Variants in NEK11 observed in about 807,000 individuals in gnomAD.
NEK11 encodes the protein serine/threonine-protein kinase Nek11.
In NEK11, 72 loss-of-function variants were observed where a neutral mutation model predicts 80.7. That is an observed-to-expected ratio of 0.89 (90% CI 0.74 to 1.08). The LOEUF is 1.08. Ranked by LOEUF, NEK11 falls within the 50% of genes least tolerant of loss-of-function variation. The probability of loss-of-function intolerance (pLI) is 0.00; values close to 1 mark genes in which losing one functional copy is unlikely to be tolerated. For missense variants in NEK11, 764 were observed against 763.6 expected (o/e 1.00, Z -0.01); for synonymous variants, 251 against 260.7 (o/e 0.96, Z 0.36).
chr3:131,080,445 G>A lies in NEK11; in HGVS notation c.193G>A (p.Val65Ile). 6 of 1,606,604 alleles carry A rather than the reference G, an allele frequency of 3.7e-6. No homozygotes were observed. The highest frequency in any genetic ancestry group is 5.1e-6 in the Non-Finnish European group (6 of 1,178,290). Residue 65 changes from valine to isoleucine, a missense_variant, in exon 4 of 18, where the codon GTT (valine) becomes ATT (isoleucine). Val to Ile is a conservative substitution (Grantham distance 29, BLOSUM62 3). Coordinates refer to ENST00000383366, the MANE Select transcript of NEK11 (RefSeq NM_024800.5). ...EELKVLKEIS[V>I]GELNPNETVQ... ...CAGAAAGGTACTTAAGGAAATATCT[G>A]TTGGAGAACTAAATCCAAATGAAAC...
In NEK11 at chr3:131,136,059, G is replaced by GA. The variant is rs954395183; in HGVS notation, c.647+2113dup. 4.6e-3 allele frequency among the ~76,000 whole-genome samples: 675 copies of GA among 145,934 alleles called. 1 individual carries two copies. Among genetic ancestry groups the GA allele is most frequent in the Non-Finnish European group, 6.0e-3 (395 of 65,902 alleles). On this transcript the variant is annotated intron_variant, in intron 7 of 17. Coordinates refer to ENST00000383366, the MANE Select transcript of NEK11 (RefSeq NM_024800.5). ...AGGATTACAAAACTGTCTGACTCAA[G>GA]AAAAAAAAAACAGCCAAAACCTCCA...
chr3:131,248,494 C>T (rs1463808249), intron 16 of NEK11, among the ~76,000 whole-genome samples: 2 of 152,028 alleles, frequency 1.3e-5, no homozygotes, highest in African/African-American at 2.4e-5. Flanking sequence ...TGGGGCACTT[C>T]CTGGAGCCTT....
At chr3:131,305,908 A>C (rs947691552) in intron 17 of NEK11, among the ~76,000 whole-genome samples, 2 of 152,016 alleles carry the variant, frequency 1.3e-5, no homozygotes, top group Non-Finnish European at 2.9e-5. Context: ...ATCTGCTTGG[A>C]GTGTCCCAGT....
intron 17 of NEK11, among the ~76,000 whole-genome samples, chr3:131,349,178 C>T (rs1398974727): frequency 6.6e-6 from 1 of 152,118 alleles, no homozygotes; most frequent in East Asian, 1.9e-4. Context: ...TCCGCCTCAC[C>T]CTGCTTTTTC....
At chr3:131,275,470 TG>T (rs780916561) in intron 17 of NEK11, among the ~76,000 whole-genome samples, 4 of 152,212 alleles carry the variant, frequency 2.6e-5, no homozygotes, top group Non-Finnish European at 5.9e-5. Flanking sequence ...CCTAGTGTGT[TG>T]TTTTTTTTCT....
chr3:131,326,483 CTT>C (rs2096968289), intron 17 of NEK11, among the ~76,000 whole-genome samples: 1 of 152,206 alleles, frequency 6.6e-6, no homozygotes, highest in Non-Finnish European at 1.5e-5. Flanking sequence ...GGCATATCCT[CTT>C]CTCTCATTTA....
chr3:131,209,057 A>G (rs1237552316), intron 14 of NEK11, among the ~76,000 whole-genome samples: 3 of 152,146 alleles, frequency 2.0e-5, no homozygotes, highest in Non-Finnish European at 2.9e-5. Context: ...TTCAAAGGGA[A>G]TGCTTTCAGT....
At chr3:131,226,717 A>G (rs577679368) in intron 14 of NEK11, among the ~76,000 whole-genome samples, 2 of 152,196 alleles carry the variant, frequency 1.3e-5, no homozygotes, top group South Asian at 2.1e-4. Context: ...AAAAGACTAC[A>G]TATTGGGTAC....
At chr3:131,169,201 C>T in intron 13 of NEK11, among the ~76,000 whole-genome samples, 1 of 152,106 alleles carries the variant, frequency 6.6e-6, no homozygotes, top group Non-Finnish European at 1.5e-5. Flanking sequence ...TGCTTTCCTC[C>T]CCCTTGCCCA....
At chr3:131,204,319 G>C (rs7621527) in intron 14 of NEK11, among the ~76,000 whole-genome samples, 3 of 152,014 alleles carry the variant, frequency 2.0e-5, no homozygotes, top group Non-Finnish European at 4.4e-5. Flanking sequence ...GTAAACATCA[G>C]TGTTTCCCTG....
intron 14 of NEK11, among the ~76,000 whole-genome samples, chr3:131,226,309 G>A (rs776250252): frequency 6.6e-6 from 1 of 152,146 alleles, no homozygotes; most frequent in South Asian, 2.1e-4. Flanking sequence ...GTCGTTCTCA[G>A]TGTAAGTAAA....
At chr3:131,341,760 T>A (rs1243350833) in intron 17 of NEK11, among the ~76,000 whole-genome samples, 1 of 152,216 alleles carries the variant, frequency 6.6e-6, no homozygotes, top group Admixed American at 6.5e-5. Context: ...TCTCTAATAA[T>A]GCTTTTTTAA....
At chr3:131,339,098 T>C (rs573729643) in intron 17 of NEK11, among the ~76,000 whole-genome samples, 43 of 152,332 alleles carry the variant, frequency 2.8e-4, no homozygotes, top group Admixed American at 2.5e-3. Context: ...CAAGTTTTCT[T>C]CTATTTTCCC....
chr3:131,057,457 C>T lies in NEK11; in HGVS notation c.171-22966C>T, dbSNP rs374810181. On this transcript the variant is annotated intron_variant, in intron 3 of 17. Transcript: ENST00000383366. ...TTCTAGTTCTAGATCCCTGAGGAATCGCCACACTGACTTCCACAATGGTTG... is the reference window on the plus strand; with the variant it reads ...TTCTAGTTCTAGATCCCTGAGGAATTGCCACACTGACTTCCACAATGGTTG... Among the ~76,000 whole-genome samples, 32 of 151,208 alleles carry T rather than the reference C, an allele frequency of 2.1e-4. No individual in the cohort carries two copies. The East Asian group carries it at 3.1e-3, about 15-fold the overall frequency.
intron 7 of NEK11, 142 bp from the exon 8 acceptor site, chr3:131,152,246 T>C (rs1171652296): frequency 3.3e-6 from 2 of 611,736 alleles, no homozygotes; most frequent in Admixed American, 6.4e-5. Context: ...AAAAACTGTA[T>C]GAAACTGCAG....
intron 15 of NEK11, among the ~76,000 whole-genome samples, 180 bp downstream of exon 15, chr3:131,228,868 T>A (rs985382660): frequency 6.6e-6 from 1 of 151,962 alleles, no homozygotes; most frequent in Non-Finnish European, 1.5e-5. Flanking sequence ...CCCTATGGAA[T>A]TTGGAGAATC....
chr3:131,037,347 G>C (rs2065808645), intron 3 of NEK11, among the ~76,000 whole-genome samples: 1 of 150,174 alleles, frequency 6.7e-6, no homozygotes, highest in African/African-American at 2.4e-5. Context: ...GCAGTGGTGT[G>C]ATCTCAGCTC....
intron 14 of NEK11, among the ~76,000 whole-genome samples, chr3:131,227,926 T>C (rs926112356): frequency 6.6e-6 from 1 of 152,138 alleles, no homozygotes; most frequent in Non-Finnish European, 1.5e-5. Context: ...AAATAAGTGC[T>C]GAATGTAAGG....
At chr3:131,344,937 T>C (rs2097339613) in intron 17 of NEK11, among the ~76,000 whole-genome samples, 1 of 152,234 alleles carries the variant, frequency 6.6e-6, no homozygotes, top group Admixed American at 6.5e-5. Flanking sequence ...ACATGAGATT[T>C]GCACAGGGAC....
Sources: allele counts gnomAD v4.1 joint callset (sites outside exome capture counted in the v4.1 genomes callset), GRCh38; gene constraint gnomAD v4.1.1; transcripts MANE v1.5; gene names NCBI Gene and HGNC (gene_info 2026-07-23, HGNC 2026-07-21).